ARID4A: variants seen among roughly 807,000 people sequenced by gnomAD.
ARID4A encodes the protein AT-rich interactive domain-containing protein 4A.
Under a neutral mutation model 148.6 loss-of-function variants are expected in ARID4A, and 39 were observed. That is an observed-to-expected ratio of 0.26 (90% CI 0.20 to 0.34). The LOEUF is 0.34. Ranked by LOEUF, ARID4A falls within the 10% of genes least tolerant of loss-of-function variation. ARID4A has a pLI of 1.00. For missense variants in ARID4A, 1,265 were observed against 1,449.1 expected, an observed-to-expected ratio of 0.87 and a Z score of 2.06; for synonymous variants, 475 against 481.2, an observed-to-expected ratio of 0.99 and a Z score of 0.17.
chr14:58,332,501 C>G (rs1265023058), intron 11 of ARID4A, among the ~76,000 whole-genome samples: 1 of 152,108 alleles, frequency 6.6e-6, no homozygotes, highest in Non-Finnish European at 1.5e-5. Context: ...AGAAAAAAAT[C>G]AGCTGCATTT....
intron 5 of ARID4A, among the ~76,000 whole-genome samples, chr14:58,315,583 T>G (rs539828047): frequency 6.6e-6 from 1 of 152,224 alleles, no homozygotes; most frequent in Non-Finnish European, 1.5e-5. Context: ...TAAGAAAAGT[T>G]GAAAACCTTT....
At chr14:58,344,315 G>T (rs922246008) in intron 11 of ARID4A, among the ~76,000 whole-genome samples, 1 of 151,870 alleles carries the variant, frequency 6.6e-6, no homozygotes, top group Non-Finnish European at 1.5e-5. Context: ...ATGATATAAT[G>T]AACATGTGTC....
intron 7 of ARID4A, 93 bp from the exon 8 acceptor site, chr14:58,323,392 A>C: frequency 7.1e-7 from 1 of 1,411,946 alleles, no homozygotes; most frequent in Admixed American, 2.0e-5. Flanking sequence ...GGTGTAGTCC[A>C]TTAGAAATTG....
chr14:58,362,136 C>A (rs1470308410), intron 19 of ARID4A, among the ~76,000 whole-genome samples: 1 of 152,168 alleles, frequency 6.6e-6, no homozygotes, highest in Non-Finnish European at 1.5e-5. Context: ...CAATGCTGTT[C>A]ATCTGGGATC....
intron 3 of ARID4A, 118 bp from the exon 4 acceptor site, chr14:58,304,826 C>T: frequency 1.2e-6 from 1 of 808,762 alleles, no homozygotes; most frequent in Non-Finnish European, 2.0e-6. Flanking sequence ...ATTACATTAG[C>T]AGGGGTCACC....
chr14:58,323,651 G>T (rs201536347), intron 8 of ARID4A, 34 bp downstream of exon 8: 13 of 1,539,450 alleles, frequency 8.4e-6, no homozygotes, highest in African/African-American at 2.7e-5. Context: ...TTAATCAGCC[G>T]TCTAAATATT....
chr14:58,372,145 C>A lies in ARID4A; in HGVS notation c.*156C>A. Reference sequence around the variant, plus strand: ...GATTGTATCTATTCCCCTCTCTCTTCTTTTTTCTTGTTGCAAAAAATAAGC... The same window carrying A: ...GATTGTATCTATTCCCCTCTCTCTTATTTTTTCTTGTTGCAAAAAATAAGC... On this transcript the variant is annotated 3_prime_UTR_variant, in exon 24 of 24. Transcript: ENST00000355431. 1.9e-6 allele frequency: 1 copy of A among 536,522 alleles called. No homozygotes were observed. The highest frequency in any genetic ancestry group is 3.3e-6 in the Non-Finnish European group (1 of 306,420). 33.2% of individuals were successfully genotyped at this position (536,522 alleles called of 1,614,324 possible). A position where few individuals can be genotyped will look rare whatever the true frequency, so the allele number is the denominator to read the frequency against.
rs756572172 is a variant in ARID4A at position 58,344,771 on chromosome 14, T to C, written c.979+4T>C. ...TATAAGTTTATGGAAGACAGAGGTA[T>C]TTTCATGCTCATTATTTTAAAGTAG... On this transcript the variant is annotated splice_donor_region_variant and intron_variant, in intron 12 of 23. Coordinates refer to ENST00000355431, the MANE Select transcript of ARID4A (RefSeq NM_002892.4). 3.1e-6 allele frequency: 5 copies of C among 1,604,726 alleles called. No homozygotes were observed. The highest frequency in any genetic ancestry group is 2.2e-5 in the South Asian group (2 of 90,242).
At chr14:58,309,981 T>C (rs2031897504) in intron 5 of ARID4A, among the ~76,000 whole-genome samples, 1 of 152,188 alleles carries the variant, frequency 6.6e-6, no homozygotes, top group African/African-American at 2.4e-5. Flanking sequence ...TTATGACAAA[T>C]GTTATAATCA....
intron 11 of ARID4A, among the ~76,000 whole-genome samples, chr14:58,337,344 G>A (rs1285301358): frequency 6.7e-6 from 1 of 148,760 alleles, no homozygotes; most frequent in Non-Finnish European, 1.5e-5. Context: ...CCTCTAGACT[G>A]TAAGATCTGT....
rs755910554 is a variant in ARID4A, at chr14:58,328,250, G to T, written c.596G>T (p.Ser199Ile). Residue 199 changes from serine (S) to isoleucine (I), a missense_variant, in exon 9 of 24, where the codon AGC becomes ATC. By Grantham distance (142) the Ser-to-Ile change is moderately radical. Around this residue, in one of 9 missense-constraint regions of ARID4A, gnomAD observed 249 missense variants for 277.2 expected, o/e 0.90. Coordinates refer to ENST00000355431, the MANE Select transcript of ARID4A (RefSeq NM_002892.4). ...TTTATATTTCAGGTAATATCTCCCA[G>T]CTGTAATGATGACATCACAGTGAAA... ...EWYPALVISP[S>I]CNDDITVKKD... 1 of 1,597,236 alleles carries T rather than the reference G, an allele frequency of 6.3e-7. No individual in the cohort carries two copies. Among genetic ancestry groups the T allele is most frequent in the South Asian group, 1.1e-5 (1 of 90,500 alleles).
At chr14:58,316,046 C>T (rs2032385964) in intron 5 of ARID4A, among the ~76,000 whole-genome samples, 1 of 152,152 alleles carries the variant, frequency 6.6e-6, no homozygotes. Flanking sequence ...ATATAATTTT[C>T]TTTCAAAAAA....
At chr14:58,315,700 G>A (rs1222289909) in intron 5 of ARID4A, among the ~76,000 whole-genome samples, 1 of 152,198 alleles carries the variant, frequency 6.6e-6, no homozygotes, top group Non-Finnish European at 1.5e-5. Context: ...TAAGAGAACA[G>A]TGGTTAATTT....
intron 5 of ARID4A, among the ~76,000 whole-genome samples, chr14:58,316,234 G>A (rs2032400981): frequency 6.6e-6 from 1 of 152,096 alleles, no homozygotes; most frequent in Non-Finnish European, 1.5e-5. Flanking sequence ...CTGTTAGAAT[G>A]GAAAAAAGTA....
intron 19 of ARID4A, among the ~76,000 whole-genome samples, chr14:58,361,640 G>A (rs2035135912): frequency 6.6e-6 from 1 of 152,226 alleles, no homozygotes; most frequent in African/African-American, 2.4e-5. Context: ...ACCTGTATCA[G>A]CTGCTAAACA....
In ARID4A at chr14:58,364,692, AAAT is replaced by A; in HGVS notation, c.2606_2608del (p.Ile869del). The A allele has an allele frequency of 1.9e-6, 3 of 1,613,938 alleles. No homozygotes were observed. The highest frequency in any genetic ancestry group is 2.5e-6 in the Non-Finnish European group (3 of 1,179,936). On this transcript the variant is annotated inframe_deletion, in exon 20 of 24. Coordinates refer to ENST00000355431, the MANE Select transcript of ARID4A (RefSeq NM_002892.4). ...CTAGGACAATCATCGCCAGAGAAAA[AAAT>A]AAGAATTGAGAATGGAATGGAAATG... is the stretch of plus-strand genomic sequence containing the variant.
At chr14:58,344,925 T>C (rs2140228264) in intron 12 of ARID4A, among the ~76,000 whole-genome samples, 158 bp downstream of exon 12, 1 of 152,242 alleles carries the variant, frequency 6.6e-6, no homozygotes, top group South Asian at 2.1e-4. Context: ...CAGGCTGGAG[T>C]GCAGTGATTT....
At chr14:58,341,433 A>G (rs1010408334) in intron 11 of ARID4A, among the ~76,000 whole-genome samples, 2 of 152,188 alleles carry the variant, frequency 1.3e-5, no homozygotes, top group Non-Finnish European at 2.9e-5. Flanking sequence ...GAAGCTGCCT[A>G]ATACTACCAC....
chr14:58,308,056 G>C (rs900141139), intron 5 of ARID4A, among the ~76,000 whole-genome samples: 4 of 152,006 alleles, frequency 2.6e-5, no homozygotes, highest in African/African-American at 7.3e-5. Flanking sequence ...TTACTTTTCA[G>C]GTTTTCTCAT....
Sources: gnomAD v4.1 joint callset for allele counts (sites outside exome capture counted in the v4.1 genomes callset) on GRCh38, gnomAD v4.1.1 for gene constraint, gnomAD v4.1.1 regional missense constraint, MANE v1.5 for transcripts, NCBI Gene and HGNC (gene_info 2026-07-23, HGNC 2026-07-21) for gene names.